FETUB: variants seen among roughly 807,000 people sequenced by gnomAD.
The protein encoded by FETUB is fetuin B, also known as fetuin-B.
A neutral mutation model predicts 30.9 loss-of-function variants in FETUB; 28 were observed. The ratio of observed to expected loss-of-function variants is 0.90; its 90% CI spans 0.67 to 1.24. The LOEUF (loss-of-function observed/expected upper bound fraction) is 1.24, where lower values mean the gene tolerates loss of function less well. FETUB is among the 50% of genes most tolerant of loss of function. The probability of loss-of-function intolerance (pLI) is 0.00; values close to 1 mark genes in which losing one functional copy is unlikely to be tolerated. For synonymous variants in FETUB, 186 were observed against 175.9 expected (o/e 1.06, Z -0.45); for missense variants, 469 against 455.3 (o/e 1.03, Z -0.27).
At chr3:186,636,173 C>T (rs1360334610), upstream of FETUB, 1 of 152,304 alleles carries the variant, frequency 6.6e-6, no homozygotes, top group Non-Finnish European at 1.5e-5. Context: ...GAGCTGCTTC[C>T]CTGAGAGGAC....
chr3:186,650,874 A>G (rs1717972389), intron 5 of FETUB, among the ~76,000 whole-genome samples: 1 of 152,252 alleles, frequency 6.6e-6, no homozygotes, highest in Non-Finnish European at 1.5e-5. Context: ...GGGCTGCTAT[A>G]TAAAAGATGA....
chr3:186,639,503 C>A (rs562146478), upstream of FETUB, among the ~76,000 whole-genome samples: 66 of 152,262 alleles, frequency 4.3e-4, no homozygotes, highest in African/African-American at 1.4e-3. Context: ...TTCATGATAA[C>A]CTCTTCTAGA....
intron 5 of FETUB, among the ~76,000 whole-genome samples, chr3:186,649,008 G>A (rs958973188): frequency 3.3e-5 from 5 of 152,188 alleles, no homozygotes; most frequent in Admixed American, 1.3e-4. Context: ...GGGCTCACAT[G>A]TTCAGCACAC....
Position 186,651,267 on chromosome 3 carries a change from T to G in FETUB, c.746T>G (p.Phe249Cys). Residue 249 changes from phenylalanine to cysteine, a missense_variant, in exon 6 of 7, where the codon TTT (phenylalanine) becomes TGT (cysteine). Coordinates refer to ENST00000265029, the MANE Select transcript of FETUB (RefSeq NM_014375.3). ...CTGACTCGAACACACTGGGAAAAGT[T>G]TGTCTCTGTGACTTGTGACTTCTTT... ...GSLTRTHWEK[F>C]VSVTCDFFES... 1 of 1,613,796 alleles carries G rather than the reference T, an allele frequency of 6.2e-7. No individual in the cohort carries two copies. Among genetic ancestry groups the G allele is most frequent in the Non-Finnish European group, 8.5e-7 (1 of 1,179,678 alleles).
intron 3 of FETUB, among the ~76,000 whole-genome samples, 165 bp from the exon 4 acceptor site, chr3:186,644,586 G>A (rs1253034265): frequency 6.6e-6 from 1 of 152,128 alleles, no homozygotes; most frequent in Non-Finnish European, 1.5e-5. Flanking sequence ...TTTTTTAATT[G>A]TGAAAGTAAT....
upstream of FETUB, among the ~76,000 whole-genome samples, chr3:186,640,098 TA>T (rs893394627): frequency 6.6e-6 from 1 of 152,080 alleles, no homozygotes; most frequent in African/African-American, 2.4e-5. Flanking sequence ...GCAAAGGTGT[TA>T]GGGGAGAGGG....
At chr3:186,651,582 A>G (rs947210583) in intron 6 of FETUB, 27 of 402,244 alleles carry the variant, frequency 6.7e-5, no homozygotes, top group South Asian at 5.9e-4. Flanking sequence ...TCAGCGTCCC[A>G]AAGAAACCTT....
Position 186,644,907 on chromosome 3 carries a change from G to A in FETUB, c.581G>A (p.Arg194Lys). The stretch of plus-strand genomic sequence containing the variant: ...CAGTATTCTCTCTTCAAAGTCACCA[G>A]GGCTTCTAGCCAGGTAAGGCTAAAA... ...SKQYSLFKVT[R>K]ASSQWVVGPS... Residue 194 changes from arginine (R) to lysine (K), a missense_variant, in exon 4 of 7, where the codon AGG becomes AAG. Arg to Lys is a conservative substitution (Grantham distance 26). Transcript: ENST00000265029. 1 of 1,612,540 alleles carries A rather than the reference G, an allele frequency of 6.2e-7. No individual in the cohort carries two copies. Among genetic ancestry groups the A allele is most frequent in the South Asian group, 1.1e-5 (1 of 90,744 alleles).
chr3:186,647,861 A>AT (rs1717678321), intron 5 of FETUB, among the ~76,000 whole-genome samples: 1 of 152,072 alleles, frequency 6.6e-6, no homozygotes, highest in Non-Finnish European at 1.5e-5. Flanking sequence ...ATTTATATAT[A>AT]TTTTTTCTTA....
Position 186,641,192 on chromosome 3 carries a change from T to C in FETUB, c.336+52T>C, listed in dbSNP as rs750889717. On this transcript the variant is annotated intron_variant, in intron 2 of 6. Transcript: ENST00000265029. ...AAGGGCCCTAGGGAAAGCAAGTAGG[T>C]ACACTCTTTCTACAGGGTCAAGGGT... 1.6e-5 allele frequency: 17 copies of C among 1,083,468 alleles called. No homozygotes were observed. The South Asian group carries it at 2.1e-4, about 14-fold the overall frequency. The allele number at this position is 1,083,468 out of a possible 1,614,324, so 67.1% of individuals were successfully genotyped here.
Position 186,640,795 on chromosome 3 carries a change from C to A in FETUB, c.225+110C>A, listed in dbSNP as rs537926666. The A allele has an allele frequency of 2.8e-5, 25 of 905,456 alleles. No homozygotes were observed. In the African/African-American group the frequency reaches 3.4e-4, roughly 12 times the overall value. The allele number at this position is 905,456 out of a possible 1,614,324, so 56.1% of individuals were successfully genotyped here. The stretch of plus-strand genomic sequence containing the variant: ...TGGCAGGTGTTTTCTGTATTGGAAG[C>A]CCTGCCGAGAACTCTCTGTTCTCCT... On this transcript the variant is annotated intron_variant, in intron 1 of 6. Coordinates refer to ENST00000265029, the MANE Select transcript of FETUB (RefSeq NM_014375.3).
At chr3:186,636,714 T>A (rs564310735), upstream of FETUB, among the ~76,000 whole-genome samples, 54 of 152,174 alleles carry the variant, frequency 3.5e-4, 2 homozygotes, top group South Asian at 0.011. Context: ...GCAAATACTA[T>A]CCCAATGACA....
chr3:186,644,938 C>A lies in FETUB; in HGVS notation c.594+18C>A. ...CTAGCCAGGTAAGGCTAAAACTGCC[C>A]AAGCCAGTTACACAGTGTGTCTCAT... On this transcript the variant is annotated intron_variant, in intron 4 of 6. Coordinates refer to ENST00000265029, the MANE Select transcript of FETUB (RefSeq NM_014375.3). 1.3e-6 allele frequency: 2 copies of A among 1,598,508 alleles called. No homozygotes were observed. Among genetic ancestry groups the A allele is most frequent in the South Asian group, 1.1e-5 (1 of 88,836 alleles).
In FETUB at chr3:186,649,055, G is replaced by A. The variant is rs140828552; in HGVS notation, c.697-2163G>A. Among the ~76,000 whole-genome samples the A allele has an allele frequency of 3.2e-3, 493 of 152,272 alleles. 3 individuals are homozygous for A. Among genetic ancestry groups the A allele is most frequent in the African/African-American group, 0.011 (452 of 41,556 alleles). On this transcript the variant is annotated intron_variant, in intron 5 of 6. Transcript: ENST00000265029. ...CTTTGTGATCCACTCCAGTGTCAGC[G>A]CCAGGTAGGCCTATGAACTTTGGTA...
upstream of FETUB, among the ~76,000 whole-genome samples, chr3:186,640,149 G>T (rs1327742954): frequency 1.3e-5 from 2 of 152,190 alleles, no homozygotes; most frequent in Non-Finnish European, 1.5e-5. Context: ...TTCAGGAGGG[G>T]ACCTGCAAAT....
intron 3 of FETUB, 50 bp downstream of exon 3, chr3:186,642,608 T>A: frequency 8.9e-7 from 1 of 1,127,848 alleles, no homozygotes. Context: ...TGGAAAAGAG[T>A]ACTTAACCAG....
upstream of FETUB, among the ~76,000 whole-genome samples, chr3:186,640,107 G>A (rs994504739): frequency 7.2e-5 from 11 of 152,138 alleles, no homozygotes; most frequent in Admixed American, 7.2e-4. Flanking sequence ...TTAGGGGAGA[G>A]GGGGAGAATG....
rs577566255 is a variant in FETUB at position 186,651,732 on chromosome 3, T to C, written c.780+431T>C. ...TGAGGTGTATTTGTGCCTGGTATAT[T>C]TGAAGCAGTTGAAACAGGACACTTG... On this transcript the variant is annotated intron_variant, in intron 6 of 6. Coordinates refer to ENST00000265029, the MANE Select transcript of FETUB (RefSeq NM_014375.3). 1.8e-4 allele frequency: 35 copies of C among 191,790 alleles called. 2 individuals carry two copies. In the South Asian group the frequency reaches 3.8e-3, roughly 21 times the overall value. The allele number at this position is 191,790 out of a possible 1,614,324, so 11.9% of individuals were successfully genotyped here.
chr3:186,644,672 C>A, intron 3 of FETUB, 79 bp from the exon 4 acceptor site: 1 of 1,147,602 alleles, frequency 8.7e-7, no homozygotes, highest in Non-Finnish European at 1.2e-6. Context: ...ACTTCCTCAC[C>A]CCATCCTTGC....
Sources: allele counts gnomAD v4.1 joint callset (sites outside exome capture counted in the v4.1 genomes callset), GRCh38; gene constraint gnomAD v4.1.1; transcripts MANE v1.5; gene names NCBI Gene and HGNC (gene_info 2026-07-23, HGNC 2026-07-21).